The following IL23R variants were observed in gnomAD, a reference collection of about 807,000 sequenced individuals.
IL23R encodes interleukin-23 receptor.
A neutral mutation model predicts 56.9 loss-of-function variants in IL23R; 34 were observed. The observed-to-expected ratio is 0.60, with a 90% CI of 0.45 to 0.80. IL23R has a LOEUF of 0.80. Among genes scored for constraint, IL23R ranks in the 30% least tolerant of loss-of-function variants. IL23R has a pLI of 0.00. For synonymous variants in IL23R, 230 were observed against 249.2 expected (o/e 0.92, Z 0.73); for missense variants, 635 against 730.0 (o/e 0.87, Z 1.50).
intron 1 of IL23R, among the ~76,000 whole-genome samples, chr1:67,147,347 C>T (rs1283852019): frequency 2.0e-5 from 3 of 152,130 alleles, no homozygotes; most frequent in Non-Finnish European, 4.4e-5. Flanking sequence ...GAATTTCTGT[C>T]AGTTACAATT....
chr1:67,207,541 A>G (rs1168592734), intron 6 of IL23R: 1 of 313,900 alleles, frequency 3.2e-6, no homozygotes, highest in Non-Finnish European at 6.1e-6. Context: ...AGTCTTTCCC[A>G]CACTAGTCTC....
intron 9 of IL23R, among the ~76,000 whole-genome samples, chr1:67,251,997 C>G (rs1162436477): frequency 6.6e-6 from 1 of 152,058 alleles, no homozygotes; most frequent in Non-Finnish European, 1.5e-5. Flanking sequence ...GAATGTAAAA[C>G]AAGATGGAGA....
chr1:67,172,961 G>T (rs1190041197), intron 3 of IL23R, among the ~76,000 whole-genome samples: 1 of 152,158 alleles, frequency 6.6e-6, no homozygotes, highest in Admixed American at 6.5e-5. Context: ...GTACAAAGAA[G>T]AGGAAATCAC....
At chr1:67,225,344 G>A (rs1394785018) in intron 7 of IL23R, among the ~76,000 whole-genome samples, 2 of 152,162 alleles carry the variant, frequency 1.3e-5, no homozygotes, top group African/African-American at 4.8e-5. Context: ...GGATAGGTAA[G>A]GAAGGGGCAG....
At chr1:67,248,476 G>A (rs1446938168) in intron 9 of IL23R, among the ~76,000 whole-genome samples, 1 of 151,958 alleles carries the variant, frequency 6.6e-6, no homozygotes, top group Non-Finnish European at 1.5e-5. Context: ...GGTCATTTAT[G>A]TTCTTCTCTA....
At chr1:67,209,318 G>A (rs550504430) in intron 6 of IL23R, among the ~76,000 whole-genome samples, 9 of 152,268 alleles carry the variant, frequency 5.9e-5, no homozygotes, top group African/African-American at 1.9e-4. Context: ...GTGAGGACAC[G>A]AATTTGGAGG....
chr1:67,150,285 G>A (rs962644975), intron 1 of IL23R, among the ~76,000 whole-genome samples: 2 of 128,140 alleles, frequency 1.6e-5, no homozygotes, highest in African/African-American at 6.0e-5. Context: ...TTAAGTTCCA[G>A]GATAAATGTG....
At chr1:67,180,086 T>A (rs1228959278) in intron 3 of IL23R, among the ~76,000 whole-genome samples, 1 of 152,200 alleles carries the variant, frequency 6.6e-6, no homozygotes, top group Non-Finnish European at 1.5e-5. Flanking sequence ...GAGAAGAATA[T>A]ATATTCTGTG....
chr1:67,227,289 G>T (rs1276192003), intron 7 of IL23R, among the ~76,000 whole-genome samples: 1 of 152,158 alleles, frequency 6.6e-6, no homozygotes, highest in East Asian at 1.9e-4. Flanking sequence ...CCTTTTTAAC[G>T]AAGAAAAGAC....
chr1:67,203,677 T>G (rs1648794042), intron 5 of IL23R, among the ~76,000 whole-genome samples: 1 of 152,196 alleles, frequency 6.6e-6, no homozygotes, highest in Admixed American at 6.5e-5. Context: ...GGGTAACACT[T>G]TAAGAATGAG....
At chr1:67,164,383 A>G (rs1464392136), upstream of IL23R, among the ~76,000 whole-genome samples, 3 of 152,220 alleles carry the variant, frequency 2.0e-5, no homozygotes, top group Non-Finnish European at 4.4e-5. Context: ...CTGTAATCCT[A>G]GCACTTTGGG....
At chr1:67,224,581 C>G (rs1279602142) in intron 7 of IL23R, among the ~76,000 whole-genome samples, 1 of 152,204 alleles carries the variant, frequency 6.6e-6, no homozygotes, top group Non-Finnish European at 1.5e-5. Flanking sequence ...GTTGCTTTCC[C>G]TCTGAATAGT....
intron 1 of IL23R, among the ~76,000 whole-genome samples, chr1:67,152,832 C>T (rs1003103053): frequency 3.3e-5 from 5 of 152,130 alleles, no homozygotes; most frequent in African/African-American, 1.2e-4. Context: ...TTTTGATGTG[C>T]TCCTGGATTC....
intron 1 of IL23R, among the ~76,000 whole-genome samples, chr1:67,154,126 T>C (rs1405187318): frequency 2.0e-5 from 3 of 152,218 alleles, no homozygotes; most frequent in African/African-American, 7.2e-5. Context: ...TGAGAGACTG[T>C]TTGTTATGAT....
chr1:67,192,128 T>A (rs1196542765), intron 4 of IL23R, among the ~76,000 whole-genome samples: 1 of 152,228 alleles, frequency 6.6e-6, no homozygotes, highest in Non-Finnish European at 1.5e-5. Flanking sequence ...GGAATATATG[T>A]GAGCTATTTA....
chr1:67,262,345 A>G (rs1653223663), downstream of IL23R, among the ~76,000 whole-genome samples: 1 of 152,102 alleles, frequency 6.6e-6, no homozygotes, highest in Non-Finnish European at 1.5e-5. Flanking sequence ...GGAGAGAGGC[A>G]GAAAAAAATA....
intron 9 of IL23R, among the ~76,000 whole-genome samples, chr1:67,249,304 C>T (rs939290379): frequency 6.6e-6 from 1 of 151,876 alleles, no homozygotes; most frequent in African/African-American, 2.4e-5. Context: ...TATTAGAAAC[C>T]TGTATTCAAG....
intron 1 of IL23R, among the ~76,000 whole-genome samples, chr1:67,148,999 A>G (rs1463855461): frequency 6.6e-6 from 1 of 152,184 alleles, no homozygotes; most frequent in Non-Finnish European, 1.5e-5. Flanking sequence ...ATCCGTGAAA[A>G]TGAATGATAG....
intron 9 of IL23R, among the ~76,000 whole-genome samples, chr1:67,253,297 A>G (rs1652751248): frequency 6.6e-6 from 1 of 152,312 alleles, no homozygotes; most frequent in Non-Finnish European, 1.5e-5. Flanking sequence ...ATTTAAAATG[A>G]GACTTTGAGA....
Sources: allele counts gnomAD v4.1 joint callset (sites outside exome capture counted in the v4.1 genomes callset), GRCh38; gene constraint gnomAD v4.1.1; transcripts MANE v1.5; gene names NCBI Gene and HGNC (gene_info 2026-07-23, HGNC 2026-07-21).